Variants in LYRM7 observed in about 807,000 individuals in gnomAD.
LYRM7 encodes LYR motif containing 7.
Under a neutral mutation model 15.8 loss-of-function variants are expected in LYRM7, and 9 were observed. The ratio of observed to expected loss-of-function variants is 0.57; its 90% CI spans 0.34 to 0.99. The LOEUF (loss-of-function observed/expected upper bound fraction) is 0.99. Among genes scored for constraint, LYRM7 ranks in the 50% least tolerant of loss-of-function variants. The pLI, the probability that LYRM7 is intolerant of heterozygous loss-of-function variation, is 0.02. For synonymous variants in LYRM7, 39 were observed against 39.4 expected, an observed-to-expected ratio of 0.99 and a Z score of 0.04; for missense variants, 115 against 119.1, an observed-to-expected ratio of 0.97 and a Z score of 0.16.
At chr5:131,173,412 T>C (rs1253453758) in intron 1 of LYRM7, among the ~76,000 whole-genome samples, 1 of 152,254 alleles carries the variant, frequency 6.6e-6, no homozygotes, top group Admixed American at 6.5e-5. Context: ...TACACTATAA[T>C]GTAGTCTATT....
At position 131,176,232 on chromosome 5, in the gene LYRM7, C is replaced by T. The variant is rs181438518; in HGVS notation, c.19-3863C>T. Among the ~76,000 whole-genome samples, 238 of 152,278 alleles carry T rather than the reference C, an allele frequency of 1.6e-3. 2 individuals are homozygous for T. The highest frequency in any genetic ancestry group is 5.5e-3 in the African/African-American group (227 of 41,544). On this transcript the variant is annotated intron_variant, in intron 1 of 4. Transcript: ENST00000379380. ...TTTGTGTGAACATGTTTTCATTTGTCTTGAGTATATACCTAGTAGTAGAAT... is the reference window on the plus strand; with the variant it reads ...TTTGTGTGAACATGTTTTCATTTGTTTTGAGTATATACCTAGTAGTAGAAT...
At chr5:131,198,749 T>C (rs566166192) in intron 4 of LYRM7, among the ~76,000 whole-genome samples, 28 of 150,564 alleles carry the variant, frequency 1.9e-4, no homozygotes, top group Admixed American at 1.4e-3. Flanking sequence ...TTTTTTTTTT[T>C]CAGTAGAGAT....
chr5:131,195,883 G>A (rs1422599812), intron 4 of LYRM7, among the ~76,000 whole-genome samples: 1 of 152,136 alleles, frequency 6.6e-6, no homozygotes, highest in Non-Finnish European at 1.5e-5. Flanking sequence ...CCAAAGAAGG[G>A]CATCTTCCCC....
In LYRM7 at chr5:131,201,181, G is replaced by A. The variant is rs573424652; in HGVS notation, c.*1580G>A. 6.6e-6 allele frequency: 1 copy of A among 151,922 alleles called. No homozygotes were observed. Among genetic ancestry groups the A allele is most frequent in the Admixed American group, 6.6e-5 (1 of 15,238 alleles). The allele number at this position is 151,922 out of a possible 1,614,324, so 9.4% of individuals were successfully genotyped here. On this transcript the variant is annotated 3_prime_UTR_variant, in exon 5 of 5. Transcript: ENST00000379380. ...ACACAAAAATTAGCCAGGTATGGTG[G>A]CGGGCGCCTGTAGTCCCAGCTACTC...
intron 4 of LYRM7, among the ~76,000 whole-genome samples, chr5:131,198,538 G>A (rs1189502613): frequency 6.6e-6 from 1 of 152,060 alleles, no homozygotes; most frequent in African/African-American, 2.4e-5. Flanking sequence ...AAAAGAAGAA[G>A]AAATCAATGT....
At chr5:131,172,676 G>A (rs924174059) in intron 1 of LYRM7, among the ~76,000 whole-genome samples, 1 of 152,108 alleles carries the variant, frequency 6.6e-6, no homozygotes, top group Non-Finnish European at 1.5e-5. Context: ...AGTCCAACAA[G>A]GGTGACAACA....
intron 1 of LYRM7, among the ~76,000 whole-genome samples, chr5:131,173,487 T>C (rs962771813): frequency 1.3e-5 from 2 of 152,244 alleles, no homozygotes; most frequent in South Asian, 4.1e-4. Flanking sequence ...GGCTCACGCC[T>C]GTAATCCCAG....
At chr5:131,196,685 C>T (rs1379969458) in intron 4 of LYRM7, among the ~76,000 whole-genome samples, 4 of 150,086 alleles carry the variant, frequency 2.7e-5, no homozygotes, top group Middle Eastern at 3.4e-3. Flanking sequence ...TTTTTTTTTC[C>T]GAGATGGAGT....
At chr5:131,196,368 C>T (rs904837024) in intron 4 of LYRM7, among the ~76,000 whole-genome samples, 1 of 151,332 alleles carries the variant, frequency 6.6e-6, no homozygotes, top group Non-Finnish European at 1.5e-5. Flanking sequence ...TGCAATGTAC[C>T]AAGCAAAAAA....
chr5:131,190,776 C>T (rs190361686), intron 4 of LYRM7, among the ~76,000 whole-genome samples: 21 of 152,252 alleles, frequency 1.4e-4, no homozygotes, highest in Admixed American at 1.3e-3. Flanking sequence ...CAGGTGTGAG[C>T]CACTGCACCT....
intron 4 of LYRM7, among the ~76,000 whole-genome samples, chr5:131,187,531 C>CTGGA (rs770542761): frequency 6.6e-6 from 1 of 151,500 alleles, no homozygotes; most frequent in Non-Finnish European, 1.5e-5. Context: ...GTCGCCCAGG[C>CTGGA]TGGAGTGCAG....
chr5:131,192,277 G>A (rs1561547961), intron 4 of LYRM7, among the ~76,000 whole-genome samples: 1 of 152,106 alleles, frequency 6.6e-6, no homozygotes, highest in African/African-American at 2.4e-5. Context: ...AGGCCAGGAA[G>A]GGTCAGAGGG....
intron 1 of LYRM7, 21 bp downstream of exon 1, chr5:131,171,059 G>A: frequency 6.6e-7 from 1 of 1,522,998 alleles, no homozygotes; most frequent in Non-Finnish European, 8.7e-7. Context: ...CCGGGAAGGG[G>A]TGGGTACGAT....
intron 4 of LYRM7, among the ~76,000 whole-genome samples, chr5:131,198,567 A>G (rs1021678970): frequency 2.0e-5 from 3 of 151,588 alleles, no homozygotes; most frequent in Admixed American, 6.6e-5. Context: ...AAAAATTTGG[A>G]ATTTTTTTTT....
In LYRM7 at chr5:131,202,810, C is replaced by G. The variant is rs184559005; in HGVS notation, c.*3209C>G. On this transcript the variant is annotated 3_prime_UTR_variant, in exon 5 of 5. Transcript: ENST00000379380. ...GTATATGAATTCTAATTGCAAATATCCAGGCTCAGAGGCCCAGCAGGACTT... is the reference window on the plus strand; with the variant it reads ...GTATATGAATTCTAATTGCAAATATGCAGGCTCAGAGGCCCAGCAGGACTT... 5 of 152,316 alleles carry G rather than the reference C, an allele frequency of 3.3e-5. No individual in the cohort carries two copies. The East Asian group carries it at 7.5e-4, about 23-fold the overall frequency. The allele number at this position is 152,316 out of a possible 1,614,324, so 9.4% of individuals were successfully genotyped here. A position where few individuals can be genotyped will look rare whatever the true frequency, so the allele number is the denominator to read the frequency against.
intron 4 of LYRM7, among the ~76,000 whole-genome samples, chr5:131,190,669 T>C (rs888192618): frequency 6.6e-6 from 1 of 151,900 alleles, no homozygotes; most frequent in African/African-American, 2.4e-5. Flanking sequence ...TTTTGTATTT[T>C]TAGTAGAGAC....
rs752218460 is a variant in LYRM7, at chr5:131,187,096, CCACAATA to C, written c.235_241del (p.Asn79Ter). 2.4e-5 allele frequency: 36 copies of C among 1,522,684 alleles called. No homozygotes were observed. The highest frequency in any genetic ancestry group is 3.0e-5 in the Non-Finnish European group (34 of 1,114,950). 94.3% of individuals were successfully genotyped at this position (1,522,684 alleles called of 1,614,324 possible). A position where few individuals can be genotyped will look rare whatever the true frequency, so the allele number is the denominator to read the frequency against. On this transcript the variant is annotated frameshift_variant, in exon 4 of 5. Coordinates refer to ENST00000379380, the MANE Select transcript of LYRM7 (RefSeq NM_181705.4). LOFTEE classifies it high-confidence loss of function. ...CTGTTATACAAGGTATTCACACAGACCACAATACACTGAGTAAGTAAAATTAAAGAAA... is the reference window on the plus strand; with the variant it reads ...CTGTTATACAAGGTATTCACACAGACCACTGAGTAAGTAAAATTAAAGAAA...
chr5:131,196,732 A>T (rs1247526258), intron 4 of LYRM7, among the ~76,000 whole-genome samples: 1 of 151,314 alleles, frequency 6.6e-6, no homozygotes, highest in Non-Finnish European at 1.5e-5. Context: ...CAGTGGCACG[A>T]TCTCGGCTCA....
chr5:131,199,821 TTTTCATTGAAAATCAAA>T lies in LYRM7; in HGVS notation c.*227_*243del, dbSNP rs141495130. ...GGAAATTAGATAAGAAAACATTTCA[TTTTCATTGAAAATCAAA>T]TTTCATAAAGCAAAGTAAATGCTTA... On this transcript the variant is annotated 3_prime_UTR_variant, in exon 5 of 5. Coordinates refer to ENST00000379380, the MANE Select transcript of LYRM7 (RefSeq NM_181705.4). The T allele has an allele frequency of 3.5e-3, 1,164 of 328,320 alleles. 18 individuals are homozygous for T. The highest frequency in any genetic ancestry group is 0.023 in the African/African-American group (1,056 of 46,708). The allele number at this position is 328,320 out of a possible 1,614,324, so 20.3% of individuals were successfully genotyped here.
Sources: allele counts gnomAD v4.1 joint callset (sites outside exome capture counted in the v4.1 genomes callset), GRCh38; gene constraint gnomAD v4.1.1; transcripts MANE v1.5; gene names NCBI Gene and HGNC (gene_info 2026-07-23, HGNC 2026-07-21).